The following EXOC6B variants were observed in gnomAD, a reference collection of about 807,000 sequenced individuals.
EXOC6B encodes SEC15 homolog B.
A neutral mutation model predicts 113.5 loss-of-function variants in EXOC6B; 54 were observed. That is an observed-to-expected ratio of 0.48 (90% CI 0.38 to 0.60). EXOC6B has a LOEUF of 0.60. Among genes scored for constraint, EXOC6B ranks in the 20% least tolerant of loss-of-function variants. The probability of loss-of-function intolerance (pLI) is 0.00; values close to 1 mark genes in which losing one functional copy is unlikely to be tolerated. For missense variants in EXOC6B, 797 were observed against 977.5 expected (o/e 0.82, Z 2.46); for synonymous variants, 357 against 339.0 (o/e 1.05, Z -0.58).
At chr2:72,645,010 A>G (rs2104369136) in intron 6 of EXOC6B, among the ~76,000 whole-genome samples, 1 of 152,332 alleles carries the variant, frequency 6.6e-6, no homozygotes, top group South Asian at 2.1e-4. Context: ...GATAGAGTCA[A>G]GATCCATCAG....
chr2:72,544,905 C>T (rs937178161), intron 8 of EXOC6B, among the ~76,000 whole-genome samples: 7 of 152,008 alleles, frequency 4.6e-5, no homozygotes, highest in Admixed American at 4.6e-4. Context: ...TTCACAAACC[C>T]TAAGCACCTA....
chr2:72,232,409 T>G (rs1220305645), intron 20 of EXOC6B, among the ~76,000 whole-genome samples: 1 of 152,208 alleles, frequency 6.6e-6, no homozygotes, highest in South Asian at 2.1e-4. Flanking sequence ...TTTGTTAATA[T>G]GCATAAGAGC....
At chr2:72,186,050 C>T (rs372493276) in intron 20 of EXOC6B, among the ~76,000 whole-genome samples, 1 of 152,152 alleles carries the variant, frequency 6.6e-6, no homozygotes, top group Middle Eastern at 3.2e-3. Context: ...CCAGCTTCAT[C>T]CATGTCCTTA....
chr2:72,348,132 T>A (rs1377718172), intron 19 of EXOC6B, among the ~76,000 whole-genome samples: 1 of 152,122 alleles, frequency 6.6e-6, no homozygotes, highest in Admixed American at 6.5e-5. Flanking sequence ...GCGTTCTGGT[T>A]TATAGATAAC....
intron 6 of EXOC6B, among the ~76,000 whole-genome samples, chr2:72,610,270 C>T (rs1401048618): frequency 6.6e-6 from 1 of 152,116 alleles, no homozygotes; most frequent in African/African-American, 2.4e-5. Flanking sequence ...GTTGGCATAA[C>T]ATAAATTACT....
At chr2:72,554,679 C>T (rs1703434008) in intron 8 of EXOC6B, among the ~76,000 whole-genome samples, 1 of 152,168 alleles carries the variant, frequency 6.6e-6, no homozygotes. Context: ...TATAATTACC[C>T]AGTCTCAGGT....
At chr2:72,355,188 T>C (rs934458764) in intron 19 of EXOC6B, among the ~76,000 whole-genome samples, 1 of 152,202 alleles carries the variant, frequency 6.6e-6, no homozygotes, top group African/African-American at 2.4e-5. Context: ...AGAGAATGAA[T>C]GAGCTATTGA....
intron 6 of EXOC6B, among the ~76,000 whole-genome samples, chr2:72,643,721 A>G (rs1428959217): frequency 6.6e-6 from 1 of 151,376 alleles, no homozygotes; most frequent in African/African-American, 2.4e-5. Flanking sequence ...TATGTAACTA[A>G]CCTGCACAAT....
At chr2:72,236,026 C>G (rs1052647707) in intron 20 of EXOC6B, among the ~76,000 whole-genome samples, 10 of 152,092 alleles carry the variant, frequency 6.6e-5, no homozygotes, top group African/African-American at 2.4e-4. Flanking sequence ...ATCATTCTGA[C>G]TATTTCTGAG....
At chr2:72,683,406 A>T (rs1287999262) in intron 6 of EXOC6B, among the ~76,000 whole-genome samples, 1 of 152,164 alleles carries the variant, frequency 6.6e-6, no homozygotes, top group African/African-American at 2.4e-5. Context: ...ATCTATACTT[A>T]TGGACATTAA....
intron 20 of EXOC6B, among the ~76,000 whole-genome samples, chr2:72,230,064 A>C (rs1681509910): frequency 6.6e-6 from 1 of 152,140 alleles, no homozygotes; most frequent in African/African-American, 2.4e-5. Context: ...ACTATTTCCC[A>C]AAGTACATTC....
intron 20 of EXOC6B, among the ~76,000 whole-genome samples, chr2:72,198,377 A>C (rs1407889469): frequency 6.6e-6 from 1 of 152,204 alleles, no homozygotes; most frequent in African/African-American, 2.4e-5. Context: ...AGGACTTTTC[A>C]GATCAGGCCA....
chr2:72,725,657 G>T (rs181128473), intron 5 of EXOC6B, among the ~76,000 whole-genome samples: 1 of 152,192 alleles, frequency 6.6e-6, no homozygotes, highest in Non-Finnish European at 1.5e-5. Context: ...CTCCCAAAGT[G>T]CTGGGATTAC....
chr2:72,274,100 A>G (rs974878598), intron 20 of EXOC6B, among the ~76,000 whole-genome samples: 1 of 152,162 alleles, frequency 6.6e-6, no homozygotes, highest in South Asian at 2.1e-4. Context: ...AGAGTATAGA[A>G]ATAGAACAAA....
chr2:72,210,639 A>G (rs1379110150), intron 20 of EXOC6B, among the ~76,000 whole-genome samples: 1 of 152,214 alleles, frequency 6.6e-6, no homozygotes, highest in South Asian at 2.1e-4. Flanking sequence ...AAGGTTGTAC[A>G]GTTTTCTGGC....
At chr2:72,749,242 T>A (rs753512828) in intron 1 of EXOC6B, among the ~76,000 whole-genome samples, 7 of 152,236 alleles carry the variant, frequency 4.6e-5, no homozygotes, top group Middle Eastern at 6.8e-3. Context: ...AGCAGAGTAC[T>A]AATACAGTTG....
intron 8 of EXOC6B, among the ~76,000 whole-genome samples, chr2:72,547,390 A>G (rs939100362): frequency 1.3e-5 from 2 of 152,240 alleles, no homozygotes; most frequent in African/African-American, 4.8e-5. Context: ...CATACGCAGA[A>G]AAGAACATTA....
chr2:72,224,740 C>T (rs1681095731), intron 20 of EXOC6B, among the ~76,000 whole-genome samples: 1 of 151,770 alleles, frequency 6.6e-6, no homozygotes, highest in South Asian at 2.1e-4. Context: ...AGTGATCCTC[C>T]CACCTCAGTC....
chr2:72,643,876 C>T (rs1673470033), intron 6 of EXOC6B, among the ~76,000 whole-genome samples: 1 of 148,040 alleles, frequency 6.8e-6, no homozygotes, highest in Non-Finnish European at 1.5e-5. Context: ...TTCAAAAAAA[C>T]AGAGCGCCTC....
Sources: gnomAD v4.1 joint callset for allele counts (sites outside exome capture counted in the v4.1 genomes callset) on GRCh38, gnomAD v4.1.1 for gene constraint, MANE v1.5 for transcripts, NCBI Gene and HGNC (gene_info 2026-07-23, HGNC 2026-07-21) for gene names.